The following CPN2 variants were observed in gnomAD, a reference collection of about 807,000 sequenced individuals.
CPN2 encodes carboxypeptidase N subunit 2.
For synonymous variants in CPN2, 336 were observed against 318.4 expected (o/e 1.06, Z -0.59); for missense variants, 620 against 671.4 (o/e 0.92, Z 0.85).
chr3:194,341,684 A>G lies in CPN2; in HGVS notation c.1019T>C (p.Val340Ala), dbSNP rs758059138. 5.5e-5 allele frequency: 88 copies of G among 1,613,938 alleles called. No homozygotes were observed. Among genetic ancestry groups the G allele is most frequent in the Non-Finnish European group, 7.3e-5 (86 of 1,180,026 alleles). Residue 340 changes from valine to alanine, a missense_variant, in exon 2 of 2, where the codon GTC becomes GCC. Val to Ala is a moderately conservative substitution (Grantham distance 64). Coordinates refer to ENST00000323830, the MANE Select transcript of CPN2 (RefSeq NM_001080513.4). Reference sequence around the variant, plus strand: ...GTTGTTGCTGCCCAGGTAGAGTTTGACCAACTCCTCCAGGTCTCTGAAGAT... The same window carrying G: ...GTTGTTGCTGCCCAGGTAGAGTTTGGCCAACTCCTCCAGGTCTCTGAAGAT... The part of the protein sequence containing the change: ...AGIFRDLEEL[V>A]KLYLGSNNLT...
intron 1 of CPN2, among the ~76,000 whole-genome samples, chr3:194,346,115 C>T (rs1248460926): frequency 1.3e-5 from 2 of 152,236 alleles, no homozygotes; most frequent in Non-Finnish European, 2.9e-5. Context: ...TGATCCTCAG[C>T]GCAAACCTAG....
In CPN2 at chr3:194,341,177, T is replaced by G. The variant is rs4974538; in HGVS notation, c.1526A>C (p.Gln509Pro). The change falls in exon 2 of 2, where the codon CAG becomes CCG. Residue 509 changes from glutamine to proline, a missense_variant. Coordinates refer to ENST00000323830, the MANE Select transcript of CPN2 (RefSeq NM_001080513.4). ...CRWLNVQLSP[Q>P]QGSLGLQYNA... ...GTACTGCAGTCCCAGGGAGCCCTGC[T>G]GAGGAGAGAGCTGGACGTTCAGCCA... 1 of 1,613,142 alleles carries G rather than the reference T, an allele frequency of 6.2e-7. No homozygotes were observed.
At chr3:194,345,025 C>T (rs1035567524) in intron 1 of CPN2, among the ~76,000 whole-genome samples, 2 of 152,190 alleles carry the variant, frequency 1.3e-5, no homozygotes, top group Non-Finnish European at 1.5e-5. Flanking sequence ...AAGAAGCCAC[C>T]CCTGACCCTA....
chr3:194,341,400 C>G lies in CPN2; in HGVS notation c.1303G>C (p.Val435Leu). ...AGCTGCTTCTCATTCAAGGCGGGCA[C>G]CACCTGGCCTTTGAGGTAGGCAGGG... ...AGPAYLKGQV[V>L]PALNEKQLVC... Residue 435 changes from valine (V) to leucine (L), a missense_variant, in exon 2 of 2, where the codon GTG becomes CTG. Physicochemically the swap from Val to Leu is conservative, Grantham distance 32. Transcript: ENST00000323830. 1.9e-6 allele frequency: 3 copies of G among 1,614,154 alleles called. No homozygotes were observed. The highest frequency in any genetic ancestry group is 8.5e-7 in the Non-Finnish European group (1 of 1,180,046).
intron 1 of CPN2, among the ~76,000 whole-genome samples, chr3:194,344,710 T>A (rs1029378191): frequency 6.6e-5 from 10 of 151,950 alleles, no homozygotes; most frequent in Non-Finnish European, 1.3e-4. Context: ...ATAAATAAAT[T>A]AATTAAAATA....
rs757478492 is a variant in CPN2 at position 194,349,778 on chromosome 3, C to CTTTTTTTTTTTTT, written c.-4+1451_-4+1463dup. On this transcript the variant is annotated intron_variant, in intron 1 of 1. Coordinates refer to ENST00000323830, the MANE Select transcript of CPN2 (RefSeq NM_001080513.4). ...ATGAAGCCTTCCTGACTACCCTCTTCTTTTTTTTTTTTTTTTTTTTTTTTT... is the reference window on the plus strand; with the variant it reads ...ATGAAGCCTTCCTGACTACCCTCTTCTTTTTTTTTTTTTTTTTTTTTTTTTTTTTTTTTTTTTT... Among the ~76,000 whole-genome samples the CTTTTTTTTTTTTT allele has an allele frequency of 1.5e-4, 10 of 65,606 alleles. 1 individual carries two copies. Among genetic ancestry groups the CTTTTTTTTTTTTT allele is most frequent in the Non-Finnish European group, 2.8e-4 (10 of 36,190 alleles). 43.0% of individuals were successfully genotyped at this position (65,606 alleles called of 152,430 possible).
In CPN2 at chr3:194,342,017, ATGT is replaced by A. The variant is rs1270970076; in HGVS notation, c.683_685del (p.Asn228del). 5.0e-6 allele frequency: 8 copies of A among 1,613,960 alleles called. No individual in the cohort carries two copies. Among genetic ancestry groups the A allele is most frequent in the East Asian group, 2.2e-5 (1 of 44,884 alleles). On this transcript the variant is annotated inframe_deletion, in exon 2 of 2. Coordinates refer to ENST00000323830, the MANE Select transcript of CPN2 (RefSeq NM_001080513.4). ...GAACACCTGAGGGGGCAGCTCCGAG[ATGT>A]TGTTGCTGTCCAGGAAGAGCTCCTG...
intron 1 of CPN2, among the ~76,000 whole-genome samples, chr3:194,343,992 T>C (rs907071614): frequency 2.0e-5 from 3 of 152,216 alleles, no homozygotes; most frequent in African/African-American, 7.2e-5. Context: ...TTTCACAACA[T>C]AATCCTAATT....
In CPN2 at chr3:194,340,807, T is replaced by G; in HGVS notation, c.*258A>C. ...GGATATTTTATTCTCCAGGCTGTGG[T>G]GCAGCTTTTGAGGGTGCTTTGCAAG... On this transcript the variant is annotated 3_prime_UTR_variant, in exon 2 of 2. Coordinates refer to ENST00000323830, the MANE Select transcript of CPN2 (RefSeq NM_001080513.4). 1 of 483,200 alleles carries G rather than the reference T, an allele frequency of 2.1e-6. No homozygotes were observed. The highest frequency in any genetic ancestry group is 3.6e-6 in the Non-Finnish European group (1 of 276,960). The allele number at this position is 483,200 out of a possible 1,614,324, so 29.9% of individuals were successfully genotyped here.
chr3:194,343,179 T>C (rs1712929931), intron 1 of CPN2, among the ~76,000 whole-genome samples: 1 of 152,034 alleles, frequency 6.6e-6, no homozygotes, highest in African/African-American at 2.4e-5. Context: ...CCTCTGCCCA[T>C]CTCTGCCCAC....
In CPN2 at chr3:194,341,218, G is replaced by A. The variant is rs775769026; in HGVS notation, c.1485C>T (p.Asp495=). The A allele has an allele frequency of 6.2e-7, 1 of 1,613,484 alleles. No individual in the cohort carries two copies. Among genetic ancestry groups the A allele is most frequent in the African/African-American group, 1.3e-5 (1 of 74,956 alleles). Residue 495 remains aspartate (D), a synonymous_variant, in exon 2 of 2, where the codon GAC becomes GAT. Coordinates refer to ENST00000323830, the MANE Select transcript of CPN2 (RefSeq NM_001080513.4). The part of the protein sequence containing the change: ...NPEGTVVLAC[D]QAQCRWLNVQ... ...CGTTCAGCCAGCGACACTGGGCCTG[G>A]TCACAGGCGAGCACCACGGTGCCCT...
At chr3:194,347,730 CCAGCCCACCCCACCCTCTGCCCAGTT>C (rs1713102202) in intron 1 of CPN2, among the ~76,000 whole-genome samples, 1 of 70,346 alleles carries the variant, frequency 1.4e-5, no homozygotes, top group African/African-American at 6.2e-5. Context: ...GCTGCCCTGG[CCAGCCCACCCCACCCTCTGCCCAGTT>C]CAGCCCACCC....
chr3:194,348,446 G>A (rs773944709), intron 1 of CPN2, among the ~76,000 whole-genome samples: 2 of 152,140 alleles, frequency 1.3e-5, no homozygotes, highest in South Asian at 4.1e-4. Context: ...CCTCAGTCCC[G>A]GCATGGTTAG....
In CPN2 at chr3:194,341,933, G is replaced by C; in HGVS notation, c.770C>G (p.Pro257Arg). 1 of 1,614,124 alleles carries C rather than the reference G, an allele frequency of 6.2e-7. No homozygotes were observed. Among genetic ancestry groups the C allele is most frequent in the Non-Finnish European group, 8.5e-7 (1 of 1,180,038 alleles). Residue 257 changes from proline (P) to arginine (R), a missense_variant, in exon 2 of 2, where the codon CCG becomes CGG. By Grantham distance (103) the Pro-to-Arg change is moderately radical. Transcript: ENST00000323830. The stretch of plus-strand genomic sequence containing the variant: ...ACCCAGGGAGGCAAAGATGGAGAGC[G>C]GCAGGTGCGTGATGGCGTTGCGTTG... ...WLQRNAITHL[P>R]LSIFASLGNL... is the part of the protein sequence containing the mutation.
At position 194,340,701 on chromosome 3, in the gene CPN2, A is replaced by C. The variant is rs6774551; in HGVS notation, c.*364T>G. On this transcript the variant is annotated 3_prime_UTR_variant, in exon 2 of 2. Coordinates refer to ENST00000323830, the MANE Select transcript of CPN2 (RefSeq NM_001080513.4). ...CAGAAGGCAGTGGCCTCCACTTTGT[A>C]TCACTGGGATGCAGTGAATAGACCT... 0.047 allele frequency: 9,574 copies of C among 203,520 alleles called. 770 individuals carry two copies. Among genetic ancestry groups the C allele is most frequent in the African/African-American group, 0.18 (7,736 of 43,410 alleles). 12.6% of individuals were successfully genotyped at this position (203,520 alleles called of 1,614,324 possible). A position where few individuals can be genotyped will look rare whatever the true frequency, so the allele number is the denominator to read the frequency against.
intron 1 of CPN2, among the ~76,000 whole-genome samples, chr3:194,343,649 G>T (rs13323952): frequency 0.038 from 5,754 of 152,300 alleles, 357 homozygotes; most frequent in African/African-American, 0.13. Flanking sequence ...GTTCAAATCT[G>T]AGGTCCATTG....
chr3:194,349,778 CTTTTTTTTTTTTTTTTTTTTTTTTTT>C (rs757478492), intron 1 of CPN2, among the ~76,000 whole-genome samples: 6 of 65,606 alleles, frequency 9.1e-5, no homozygotes, highest in South Asian at 7.8e-4. Flanking sequence ...CTACCCTCTT[CTTTTTTTTTTTTTTTTTTTTTTTTTT>C]TTTTTTTTTT....
At chr3:194,346,752 G>A (rs757038074) in intron 1 of CPN2, among the ~76,000 whole-genome samples, 4 of 152,214 alleles carry the variant, frequency 2.6e-5, no homozygotes, top group Admixed American at 6.5e-5. Context: ...TGGCAAATGC[G>A]TGGCAACGTT....
chr3:194,342,177 G>C lies in CPN2; in HGVS notation c.526C>G (p.Leu176Val). ...AGCTGGGCCAGGAGGTTCTGGGCCA[G>C]GTTGAGTGTCTTCAGATGGGTCAGA... ...QPLTHLKTLNLAQNLLAQLPE... is the reference protein window; with the variant it reads ...QPLTHLKTLNVAQNLLAQLPE... The change falls in exon 2 of 2, where the codon CTG becomes GTG. Residue 176 changes from leucine (L) to valine (V), a missense_variant. Transcript: ENST00000323830. The C allele has an allele frequency of 6.2e-7, 1 of 1,614,142 alleles. No individual in the cohort carries two copies.
Sources: gnomAD v4.1 joint callset for allele counts (sites outside exome capture counted in the v4.1 genomes callset) on GRCh38, gnomAD v4.1.1 for gene constraint, MANE v1.5 for transcripts, NCBI Gene and HGNC (gene_info 2026-07-23, HGNC 2026-07-21) for gene names.